The following SORCS2 variants were observed in gnomAD, a reference collection of about 807,000 sequenced individuals.
SORCS2 encodes the protein sortilin related VPS10 domain containing receptor 2.
A neutral mutation model predicts 141.6 loss-of-function variants in SORCS2; 100 were observed. That is an observed-to-expected ratio of 0.71 (90% CI 0.60 to 0.83). The LOEUF (loss-of-function observed/expected upper bound fraction) is 0.83. SORCS2 is among the 40% of genes least tolerant of loss of function. The probability of loss-of-function intolerance (pLI) is 0.00; values close to 1 mark genes in which losing one functional copy is unlikely to be tolerated. For synonymous variants in SORCS2, 789 were observed against 676.9 expected (o/e 1.17, Z -2.57); for missense variants, 1,646 against 1,560.2 (o/e 1.05, Z -0.93).
At chr4:7,360,706 C>T (rs1721531789) in intron 1 of SORCS2, among the ~76,000 whole-genome samples, 2 of 150,262 alleles carry the variant, frequency 1.3e-5, no homozygotes, top group African/African-American at 4.9e-5. Flanking sequence ...CCTCAGCCTC[C>T]CGAGTAGCTG....
chr4:7,495,206 A>G (rs1362166159), intron 2 of SORCS2, among the ~76,000 whole-genome samples: 1 of 152,150 alleles, frequency 6.6e-6, no homozygotes, highest in Non-Finnish European at 1.5e-5. Flanking sequence ...GCTGGGGGAG[A>G]TGAATTTGCC....
chr4:7,513,323 G>A (rs1732777522), intron 2 of SORCS2, among the ~76,000 whole-genome samples: 1 of 151,388 alleles, frequency 6.6e-6, no homozygotes, highest in Non-Finnish European at 1.5e-5. Context: ...TCAACAGCTG[G>A]CAAAGCACCT....
At chr4:7,686,432 A>G (rs997413797) in intron 10 of SORCS2, among the ~76,000 whole-genome samples, 3 of 152,158 alleles carry the variant, frequency 2.0e-5, no homozygotes, top group African/African-American at 4.8e-5. Flanking sequence ...TCTGGCCCCT[A>G]TGTGCCAAAC....
chr4:7,718,298 C>A lies in SORCS2; in HGVS notation c.2424+115C>A, dbSNP rs936710797. ...TCCACCTAGAAGTGGCTCAGGGCAT[C>A]GTCATCAGCCAGCCTGTCCAGACTG... On this transcript the variant is annotated intron_variant, in intron 18 of 26. Transcript: ENST00000507866. The A allele has an allele frequency of 2.6e-5, 31 of 1,194,538 alleles. No homozygotes were observed. In the East Asian group the frequency reaches 7.3e-4, roughly 28 times the overall value. 74.0% of individuals were successfully genotyped at this position (1,194,538 alleles called of 1,614,324 possible).
chr4:7,500,902 C>T (rs1731930387), intron 2 of SORCS2, among the ~76,000 whole-genome samples: 1 of 152,212 alleles, frequency 6.6e-6, no homozygotes, highest in Non-Finnish European at 1.5e-5. Context: ...CAGGACAGAG[C>T]CCCAGGCTCC....
chr4:7,285,037 T>TATATA (rs56045343), intron 1 of SORCS2, among the ~76,000 whole-genome samples: 2 of 30,644 alleles, frequency 6.5e-5, no homozygotes, highest in African/African-American at 1.0e-4. Flanking sequence ...TATATATATA[T>TATATA]TTTTTTTTTT....
intron 3 of SORCS2, among the ~76,000 whole-genome samples, chr4:7,574,375 T>C (rs1715606521): frequency 6.6e-6 from 1 of 152,236 alleles, no homozygotes; most frequent in African/African-American, 2.4e-5. Flanking sequence ...AGTGCATTTT[T>C]TAACATAGAA....
chr4:7,419,442 G>T (rs563924954), intron 2 of SORCS2, among the ~76,000 whole-genome samples: 1 of 152,288 alleles, frequency 6.6e-6, no homozygotes, highest in East Asian at 1.9e-4. Context: ...ACAGAGAAAG[G>T]GTGGCCTCTG....
At chr4:7,632,419 G>A (rs1264135001) in intron 3 of SORCS2, among the ~76,000 whole-genome samples, 1 of 152,112 alleles carries the variant, frequency 6.6e-6, no homozygotes, top group Admixed American at 6.5e-5. Flanking sequence ...TGCCAGCTCC[G>A]CCTGGCACGA....
At chr4:7,495,098 C>A in intron 2 of SORCS2, among the ~76,000 whole-genome samples, 1 of 152,232 alleles carries the variant, frequency 6.6e-6, no homozygotes, top group East Asian at 1.9e-4. Flanking sequence ...CCTCTAGCAA[C>A]GGTGCCTGTC....
chr4:7,569,421 A>T (rs985716566), intron 3 of SORCS2, among the ~76,000 whole-genome samples: 1 of 152,206 alleles, frequency 6.6e-6, no homozygotes, highest in Non-Finnish European at 1.5e-5. Flanking sequence ...CTGGGGCAGG[A>T]GAATTGCTTG....
chr4:7,386,591 T>C (rs1723350911), intron 1 of SORCS2, among the ~76,000 whole-genome samples: 1 of 116,810 alleles, frequency 8.6e-6, no homozygotes, highest in Non-Finnish European at 1.8e-5. Context: ...CACATACACA[T>C]TTGCACACAC....
chr4:7,515,718 T>G (rs1732933964), intron 2 of SORCS2, among the ~76,000 whole-genome samples: 1 of 150,894 alleles, frequency 6.6e-6, no homozygotes, highest in African/African-American at 2.4e-5. Context: ...AAGGTGGGGG[T>G]GGGGCTCAGT....
intron 1 of SORCS2, among the ~76,000 whole-genome samples, chr4:7,299,995 C>G (rs577670728): frequency 2.6e-5 from 4 of 152,304 alleles, no homozygotes; most frequent in Admixed American, 1.3e-4. Context: ...GGAGTCAGGG[C>G]TTGGTCAAAG....
At position 7,598,578 on chromosome 4, in the gene SORCS2, C is replaced by T. The variant is rs868035220; in HGVS notation, c.649-39750C>T. Among the ~76,000 whole-genome samples, 77 of 152,196 alleles carry T rather than the reference C, an allele frequency of 5.1e-4. 1 individual carries two copies. Among genetic ancestry groups the T allele is most frequent in the African/African-American group, 1.7e-3 (72 of 41,514 alleles). On this transcript the variant is annotated intron_variant, in intron 3 of 26. Coordinates refer to ENST00000507866, the MANE Select transcript of SORCS2 (RefSeq NM_020777.3). ...AACTCCTACCTTGGGCAAGGCATGG[C>T]GGCTGTGTGGGGGGCAATGCAGGAG...
At chr4:7,549,267 C>T (rs1713503571) in intron 3 of SORCS2, among the ~76,000 whole-genome samples, 1 of 152,206 alleles carries the variant, frequency 6.6e-6, no homozygotes, top group South Asian at 2.1e-4. Context: ...CAAACTCCTC[C>T]TTCCTGCTTC....
intron 2 of SORCS2, among the ~76,000 whole-genome samples, chr4:7,505,757 C>A (rs1048415005): frequency 5.9e-5 from 9 of 152,132 alleles, no homozygotes; most frequent in African/African-American, 2.2e-4. Flanking sequence ...CCTGGCCCTT[C>A]CTCTTCCTGA....
Position 7,734,423 on chromosome 4 carries a change from T to C in SORCS2, c.3311+49T>C, listed in dbSNP as rs574951173. ...CTGCGGGGCTCTGACCATGGGGCCG[T>C]AGGAAGCCAGGCCCAACTCACTCAG... is the stretch of plus-strand genomic sequence containing the variant. On this transcript the variant is annotated intron_variant, in intron 25 of 26. Transcript: ENST00000507866. 16 of 1,327,554 alleles carry C rather than the reference T, an allele frequency of 1.2e-5. No homozygotes were observed. The South Asian group carries it at 2.2e-4, about 18-fold the overall frequency. 82.2% of individuals were successfully genotyped at this position (1,327,554 alleles called of 1,614,324 possible).
intron 2 of SORCS2, among the ~76,000 whole-genome samples, chr4:7,399,391 A>G (rs1724424634): frequency 1.3e-5 from 2 of 152,358 alleles, no homozygotes; most frequent in African/African-American, 2.4e-5. Context: ...TGTAATTGCA[A>G]TAAATACACT....
Sources: gnomAD v4.1 joint callset for allele counts (sites outside exome capture counted in the v4.1 genomes callset) on GRCh38, gnomAD v4.1.1 for gene constraint, MANE v1.5 for transcripts, NCBI Gene and HGNC (gene_info 2026-07-23, HGNC 2026-07-21) for gene names.